The following CTNNA3 variants were observed in gnomAD, a reference collection of about 807,000 sequenced individuals.
CTNNA3 encodes the protein catenin alpha-3.
In CTNNA3, 76 loss-of-function variants were observed where a neutral mutation model predicts 95.7. That is an observed-to-expected ratio of 0.79 (90% CI 0.66 to 0.96). The LOEUF (loss-of-function observed/expected upper bound fraction) is 0.96. Among genes scored for constraint, CTNNA3 ranks in the 40% least tolerant of loss-of-function variants. CTNNA3 has a pLI of 0.00. For missense variants in CTNNA3, 1,191 were observed against 1,089.8 expected (o/e 1.09, Z -1.31); for synonymous variants, 431 against 374.4 (o/e 1.15, Z -1.74).
intron 13 of CTNNA3, among the ~76,000 whole-genome samples, chr10:66,147,531 G>A (rs888824188): frequency 6.6e-6 from 1 of 150,582 alleles, no homozygotes; most frequent in Non-Finnish European, 1.5e-5. Flanking sequence ...TATTTTTAAA[G>A]GCTACATAAT....
chr10:67,070,962 T>G (rs1340643706), intron 7 of CTNNA3, among the ~76,000 whole-genome samples: 1 of 152,222 alleles, frequency 6.6e-6, no homozygotes, highest in Non-Finnish European at 1.5e-5. Context: ...AGTGTTTACC[T>G]GAGGAATTGC....
At chr10:67,206,602 A>G (rs74142412) in intron 6 of CTNNA3, among the ~76,000 whole-genome samples, 7,291 of 151,774 alleles carry the variant, frequency 0.048, 217 homozygotes, top group South Asian at 0.1. Context: ...AAAACAAAGA[A>G]CAGGCTATTA....
intron 7 of CTNNA3, among the ~76,000 whole-genome samples, chr10:66,789,301 AG>A (rs1203622141): frequency 1.3e-5 from 2 of 151,976 alleles, no homozygotes; most frequent in Non-Finnish European, 2.9e-5. Flanking sequence ...CAGCCTCCCG[AG>A]TAGCTGGGAT....
chr10:66,375,670 G>T (rs556708035), intron 12 of CTNNA3, among the ~76,000 whole-genome samples: 1 of 151,820 alleles, frequency 6.6e-6, no homozygotes, highest in Non-Finnish European at 1.5e-5. Context: ...AGGGAATTGA[G>T]AGGGGTTACC....
chr10:65,930,963 T>C (rs895167269), intron 17 of CTNNA3, among the ~76,000 whole-genome samples: 2 of 152,198 alleles, frequency 1.3e-5, no homozygotes, highest in Admixed American at 6.5e-5. Flanking sequence ...CATGTTTATA[T>C]AAAGAATATG....
intron 7 of CTNNA3, among the ~76,000 whole-genome samples, chr10:66,780,666 C>T (rs1840497568): frequency 6.6e-6 from 1 of 152,156 alleles, no homozygotes; most frequent in African/African-American, 2.4e-5. Flanking sequence ...GTCTTTCTCA[C>T]TAGATGGTAT....
intron 17 of CTNNA3, among the ~76,000 whole-genome samples, chr10:65,952,490 C>T (rs1463506125): frequency 1.3e-5 from 2 of 152,128 alleles, no homozygotes; most frequent in Non-Finnish European, 2.9e-5. Context: ...TCTCTCCCTT[C>T]CACTTCATAC....
intron 1 of CTNNA3, among the ~76,000 whole-genome samples, chr10:67,683,748 G>C (rs1254264015): frequency 6.6e-6 from 1 of 151,804 alleles, no homozygotes. Context: ...GTTGTGTCCA[G>C]AGTTTGTTCC....
At chr10:66,199,807 T>TATA (rs2087269612) in intron 13 of CTNNA3, among the ~76,000 whole-genome samples, 11 of 14,890 alleles carry the variant, frequency 7.4e-4, no homozygotes, top group African/African-American at 1.3e-3. Context: ...ATATATATAT[T>TATA]TTTTTTTTTT....
At chr10:66,223,022 G>A (rs560590730) in intron 13 of CTNNA3, among the ~76,000 whole-genome samples, 3 of 151,956 alleles carry the variant, frequency 2.0e-5, no homozygotes, top group East Asian at 1.9e-4. Context: ...CAAAGTTCAC[G>A]TGCTCAAATT....
chr10:66,846,729 C>T (rs1843297941), intron 7 of CTNNA3, among the ~76,000 whole-genome samples: 1 of 152,114 alleles, frequency 6.6e-6, no homozygotes, highest in African/African-American at 2.4e-5. Context: ...TACCTTGTAG[C>T]TTCCTCCAAT....
At chr10:67,186,027 C>CA (rs201984879) in intron 6 of CTNNA3, among the ~76,000 whole-genome samples, 3,992 of 97,364 alleles carry the variant, frequency 0.041, 210 homozygotes, top group Admixed American at 0.19. Flanking sequence ...CTCCGTCTCA[C>CA]AAAAAAAAAA....
intron 5 of CTNNA3, among the ~76,000 whole-genome samples, chr10:67,485,973 G>A (rs1199455408): frequency 6.6e-6 from 1 of 152,166 alleles, no homozygotes; most frequent in Non-Finnish European, 1.5e-5. Context: ...CGTATCTTCT[G>A]CTATTTAAAA....
chr10:67,746,903 G>C (rs942725922), intron 1 of CTNNA3, among the ~76,000 whole-genome samples: 1 of 152,240 alleles, frequency 6.6e-6, no homozygotes, highest in African/African-American at 2.4e-5. Flanking sequence ...AAGGGCAGCA[G>C]CTATCACTGC....
chr10:66,880,177 T>A (rs191396015), intron 7 of CTNNA3, among the ~76,000 whole-genome samples: 429 of 152,216 alleles, frequency 2.8e-3, no homozygotes, highest in Non-Finnish European at 4.4e-3. Flanking sequence ...GTTGTGATAA[T>A]GCTCTGTGTT....
chr10:66,955,118 A>T (rs1848720880), intron 7 of CTNNA3, among the ~76,000 whole-genome samples: 1 of 152,122 alleles, frequency 6.6e-6, no homozygotes, highest in Non-Finnish European at 1.5e-5. Context: ...AACCTCTGAA[A>T]AGTCAGAAAC....
intron 13 of CTNNA3, among the ~76,000 whole-genome samples, chr10:66,148,189 G>A (rs1398968675): frequency 3.3e-5 from 5 of 151,754 alleles, no homozygotes; most frequent in Non-Finnish European, 5.9e-5. Context: ...TTAATGTCGG[G>A]TCATTTACAA....
intron 5 of CTNNA3, among the ~76,000 whole-genome samples, chr10:67,375,005 G>C (rs1211639212): frequency 5.3e-5 from 8 of 152,078 alleles, no homozygotes; most frequent in African/African-American, 1.9e-4. Context: ...ACTCCAGGAG[G>C]CACATAGCCC....
intron 7 of CTNNA3, among the ~76,000 whole-genome samples, chr10:66,822,642 G>A (rs562510747): frequency 1.3e-5 from 2 of 152,256 alleles, no homozygotes; most frequent in East Asian, 3.9e-4. Context: ...TTCAATAGTA[G>A]ACTATTATCA....
Sources: allele counts gnomAD v4.1 joint callset (sites outside exome capture counted in the v4.1 genomes callset), GRCh38; gene constraint gnomAD v4.1.1; transcripts MANE v1.5; gene names NCBI Gene and HGNC (gene_info 2026-07-23, HGNC 2026-07-21).